The following PTPRM variants were observed in gnomAD, a reference collection of about 807,000 sequenced individuals.
PTPRM encodes the protein receptor-type tyrosine-protein phosphatase mu.
In PTPRM, 47 loss-of-function variants were observed where a neutral mutation model predicts 186.7. That is an observed-to-expected ratio of 0.25 (90% CI 0.20 to 0.32). The LOEUF is 0.32. PTPRM is among the 10% of genes least tolerant of loss of function. PTPRM has a pLI of 1.00. For synonymous variants in PTPRM, 668 were observed against 674.9 expected (o/e 0.99, Z 0.16); for missense variants, 1,494 against 1,865.0 (o/e 0.80, Z 3.66).
chr18:8,252,587 G>A (rs1251128119), intron 18 of PTPRM, 88 bp downstream of exon 18: 2 of 1,226,442 alleles, frequency 1.6e-6, no homozygotes, highest in East Asian at 4.6e-5. Flanking sequence ...GCCAGCTGGT[G>A]CTGCTCTGTG....
At chr18:8,018,571 T>C (rs1412096174) in intron 7 of PTPRM, among the ~76,000 whole-genome samples, 2 of 152,184 alleles carry the variant, frequency 1.3e-5, no homozygotes, top group Admixed American at 1.3e-4. Context: ...TCCACAATAA[T>C]AGAGAATCAA....
chr18:8,067,354 A>G (rs1323905490), intron 7 of PTPRM, among the ~76,000 whole-genome samples: 7 of 152,150 alleles, frequency 4.6e-5, no homozygotes, highest in Admixed American at 6.5e-5. Flanking sequence ...TAGTCTAGGG[A>G]AAAAAACCTT....
intron 1 of PTPRM, among the ~76,000 whole-genome samples, chr18:7,718,919 G>T (rs560325668): frequency 1.3e-5 from 2 of 152,202 alleles, no homozygotes; most frequent in African/African-American, 4.8e-5. Flanking sequence ...TGGTTGTGAT[G>T]AAAAGGGAAT....
At chr18:7,961,044 A>G (rs942290437) in intron 7 of PTPRM, among the ~76,000 whole-genome samples, 2 of 152,158 alleles carry the variant, frequency 1.3e-5, no homozygotes, top group East Asian at 3.9e-4. Flanking sequence ...AGGTACACGA[A>G]ATATTTTGAT....
chr18:7,633,483 G>A (rs934536249), intron 1 of PTPRM, among the ~76,000 whole-genome samples: 2 of 152,032 alleles, frequency 1.3e-5, no homozygotes, highest in African/African-American at 4.8e-5. Context: ...AGGGAGTCTT[G>A]CCTTGTACTT....
chr18:7,732,210 C>T (rs763240281), intron 1 of PTPRM, among the ~76,000 whole-genome samples: 62 of 152,116 alleles, frequency 4.1e-4, no homozygotes, highest in Non-Finnish European at 7.6e-4. Context: ...ACATACCTTC[C>T]CCAGCCCTGG....
At chr18:8,246,637 A>C (rs2094479204) in intron 15 of PTPRM, among the ~76,000 whole-genome samples, 1 of 151,994 alleles carries the variant, frequency 6.6e-6, no homozygotes, top group South Asian at 2.1e-4. Context: ...ATTGGTACTC[A>C]TTTTTTTCAT....
chr18:8,000,672 C>T (rs1278680783), intron 7 of PTPRM, among the ~76,000 whole-genome samples: 1 of 152,172 alleles, frequency 6.6e-6, no homozygotes, highest in African/African-American at 2.4e-5. Flanking sequence ...TTTAAACCTA[C>T]CTTTTTTGTG....
At chr18:8,337,664 T>G (rs1408226534) in intron 22 of PTPRM, among the ~76,000 whole-genome samples, 2 of 151,728 alleles carry the variant, frequency 1.3e-5, no homozygotes, top group Non-Finnish European at 2.9e-5. Context: ...GAGCCTCCAC[T>G]TGGGTCTTGG....
chr18:7,698,235 A>G (rs1201584318), intron 1 of PTPRM, among the ~76,000 whole-genome samples: 1 of 152,166 alleles, frequency 6.6e-6, no homozygotes, highest in Non-Finnish European at 1.5e-5. Flanking sequence ...GCACCAATAC[A>G]GTGGCTCCAC....
intron 13 of PTPRM, among the ~76,000 whole-genome samples, chr18:8,142,884 G>A (rs1470746139): frequency 6.6e-6 from 1 of 152,134 alleles, no homozygotes; most frequent in African/African-American, 2.4e-5. Context: ...ATCAGACATG[G>A]ATTTGACATT....
chr18:8,110,493 C>G (rs2091707075), intron 11 of PTPRM, among the ~76,000 whole-genome samples: 1 of 152,120 alleles, frequency 6.6e-6, no homozygotes, highest in Non-Finnish European at 1.5e-5. Flanking sequence ...GTAGGAGAAT[C>G]TAGGATCTTG....
At chr18:8,249,183 C>A (rs1160147564) in intron 17 of PTPRM, among the ~76,000 whole-genome samples, 1 of 152,138 alleles carries the variant, frequency 6.6e-6, no homozygotes, top group African/African-American at 2.4e-5. Context: ...GGGTTTATAT[C>A]TTTCCAACAT....
intron 2 of PTPRM, among the ~76,000 whole-genome samples, chr18:7,828,284 T>G (rs1160147330): frequency 2.0e-5 from 3 of 151,974 alleles, no homozygotes; most frequent in African/African-American, 7.3e-5. Flanking sequence ...CTTTAAGTTT[T>G]AGGGTACATG....
intron 2 of PTPRM, among the ~76,000 whole-genome samples, chr18:7,783,022 A>G (rs1271584761): frequency 6.6e-6 from 1 of 152,246 alleles, no homozygotes; most frequent in East Asian, 1.9e-4. Flanking sequence ...GTGTTTATAA[A>G]TAATGTGTTT....
At position 8,012,610 on chromosome 18, in the gene PTPRM, G is replaced by A. The variant is rs141951167; in HGVS notation, c.1133-57076G>A. Among the ~76,000 whole-genome samples the A allele has an allele frequency of 8.0e-3, 1,216 of 152,244 alleles. 20 individuals are homozygous for A. The highest frequency in any genetic ancestry group is 0.027 in the African/African-American group (1,141 of 41,532). Reference sequence around the variant, plus strand: ...AGTCAATAACATGTGACTGTACTGAGTACTGAAGGCATTTGGAACACAATG... The same window carrying A: ...AGTCAATAACATGTGACTGTACTGAATACTGAAGGCATTTGGAACACAATG... On this transcript the variant is annotated intron_variant, in intron 7 of 32. Coordinates refer to ENST00000580170, the MANE Select transcript of PTPRM (RefSeq NM_001105244.2).
chr18:7,990,267 A>G (rs2083194011), intron 7 of PTPRM, among the ~76,000 whole-genome samples: 1 of 152,152 alleles, frequency 6.6e-6, no homozygotes, highest in Non-Finnish European at 1.5e-5. Context: ...GTCATGCAAA[A>G]TGCACCAATG....
chr18:7,726,198 C>G (rs2040546448), intron 1 of PTPRM, among the ~76,000 whole-genome samples: 4 of 152,146 alleles, frequency 2.6e-5, no homozygotes. Context: ...AAATAATCTG[C>G]TTCTGTGGTA....
At chr18:7,579,571 T>A (rs1422552298) in intron 1 of PTPRM, among the ~76,000 whole-genome samples, 1 of 152,234 alleles carries the variant, frequency 6.6e-6, no homozygotes, top group African/African-American at 2.4e-5. Context: ...TAGAAACTTA[T>A]CTGCTTCGTA....
Sources: gnomAD v4.1 joint callset for allele counts (sites outside exome capture counted in the v4.1 genomes callset) on GRCh38, gnomAD v4.1.1 for gene constraint, MANE v1.5 for transcripts, NCBI Gene and HGNC (gene_info 2026-07-23, HGNC 2026-07-21) for gene names.